Variants in NRXN3 observed in about 807,000 individuals in gnomAD.
The protein encoded by NRXN3 is neurexin III.
A neutral mutation model predicts 137.6 loss-of-function variants in NRXN3; 32 were observed. That is an observed-to-expected ratio of 0.23 (90% CI 0.18 to 0.31). The LOEUF is 0.31. NRXN3 is among the 10% of genes least tolerant of loss of function. NRXN3 has a pLI of 1.00. For missense variants in NRXN3, 1,574 were observed against 2,062.5 expected (o/e 0.76, Z 4.59); for synonymous variants, 798 against 784.5 (o/e 1.02, Z -0.29).
chr14:79,829,895 A>G (rs1445215945), intron 20 of NRXN3, among the ~76,000 whole-genome samples: 1 of 152,174 alleles, frequency 6.6e-6, no homozygotes, highest in Non-Finnish European at 1.5e-5. Flanking sequence ...GCTTCACTCA[A>G]CACACTCTGA....
chr14:79,786,236 A>G (rs1265772500), intron 19 of NRXN3, among the ~76,000 whole-genome samples: 2 of 152,188 alleles, frequency 1.3e-5, no homozygotes, highest in African/African-American at 4.8e-5. Context: ...CAGGGAAGAA[A>G]CCAGGGATCT....
intron 4 of NRXN3, among the ~76,000 whole-genome samples, chr14:78,352,116 G>A (rs1332753495): frequency 6.6e-6 from 1 of 151,028 alleles, no homozygotes; most frequent in Non-Finnish European, 1.5e-5. Context: ...AAAGATAGCA[G>A]GCATTGCCTT....
intron 4 of NRXN3, among the ~76,000 whole-genome samples, chr14:78,515,317 A>G (rs1383459787): frequency 6.6e-6 from 1 of 152,112 alleles, no homozygotes; most frequent in Non-Finnish European, 1.5e-5. Flanking sequence ...TATGCTCTTT[A>G]CATAGTCTCC....
intron 15 of NRXN3, among the ~76,000 whole-genome samples, chr14:79,233,518 T>C (rs115473496): frequency 0.019 from 2,965 of 152,266 alleles, 103 homozygotes; most frequent in African/African-American, 0.068. Context: ...TAATCCGTGA[T>C]TTGGTTCTAA....
chr14:78,366,464 CATAAA>C (rs1234618068), intron 4 of NRXN3, among the ~76,000 whole-genome samples: 10 of 152,086 alleles, frequency 6.6e-5, no homozygotes, highest in Non-Finnish European at 1.5e-4. Flanking sequence ...TATAGAAAAA[CATAAA>C]AGAAGTAATT....
intron 10 of NRXN3, among the ~76,000 whole-genome samples, chr14:78,910,406 A>G (rs1026542980): frequency 5.9e-5 from 9 of 152,140 alleles, no homozygotes; most frequent in South Asian, 2.1e-4. Context: ...GCCCTCTGTC[A>G]TGAATATTTC....
intron 19 of NRXN3, among the ~76,000 whole-genome samples, chr14:79,752,012 AG>A (rs1467269791): frequency 2.0e-5 from 3 of 152,132 alleles, no homozygotes; most frequent in Non-Finnish European, 2.9e-5. Context: ...ATGTTCATCA[AG>A]GATATTGGTC....
At chr14:78,810,454 T>C in intron 10 of NRXN3, 110 bp downstream of exon 10, 1 of 276,524 alleles carries the variant, frequency 3.6e-6, no homozygotes, top group Non-Finnish European at 5.9e-6. Context: ...TTTTTTCTTT[T>C]AACAATGGAG....
In NRXN3 at chr14:79,867,018, C is replaced by G. The variant is rs2099418320; in HGVS notation, c.*5054C>G. 1 of 152,178 alleles carries G rather than the reference C, an allele frequency of 6.6e-6. No homozygotes were observed. The highest frequency in any genetic ancestry group is 1.5e-5 in the Non-Finnish European group (1 of 68,036). 9.4% of individuals were successfully genotyped at this position (152,178 alleles called of 1,614,324 possible). On this transcript the variant is annotated 3_prime_UTR_variant, in exon 21 of 21. Transcript: ENST00000335750. ...TGCCATTAATAATACAACTTTATAG[C>G]TTTACTATTTTTTCTTTTATTGTTG...
intron 4 of NRXN3, among the ~76,000 whole-genome samples, chr14:78,524,236 C>T (rs977968684): frequency 1.3e-5 from 2 of 152,126 alleles, no homozygotes; most frequent in African/African-American, 2.4e-5. Context: ...TTTCTACCTG[C>T]ATGTGGAGTT....
intron 16 of NRXN3, among the ~76,000 whole-genome samples, chr14:79,586,185 G>T (rs1358466583): frequency 6.6e-6 from 1 of 152,164 alleles, no homozygotes; most frequent in Non-Finnish European, 1.5e-5. Context: ...AGGGCATGTG[G>T]TATTTTATAT....
intron 1 of NRXN3, among the ~76,000 whole-genome samples, chr14:78,206,613 G>T (rs532015250): frequency 6.6e-6 from 1 of 152,296 alleles, no homozygotes; most frequent in Admixed American, 6.5e-5. Flanking sequence ...TGGCCTCCTT[G>T]GTTGGTAGGG....
At chr14:79,003,154 T>C (rs1482473282) in intron 15 of NRXN3, among the ~76,000 whole-genome samples, 1 of 152,118 alleles carries the variant, frequency 6.6e-6, no homozygotes, top group Non-Finnish European at 1.5e-5. Context: ...TATCCTGAAT[T>C]TTTAAGGCAG....
chr14:78,494,775 G>C (rs1007900502), intron 4 of NRXN3, among the ~76,000 whole-genome samples: 8 of 152,086 alleles, frequency 5.3e-5, no homozygotes, highest in Admixed American at 1.3e-4. Context: ...AAATGCATTG[G>C]TATTAAAAAT....
chr14:79,714,337 C>CA (rs2098816322), intron 19 of NRXN3, among the ~76,000 whole-genome samples: 1 of 152,152 alleles, frequency 6.6e-6, no homozygotes, highest in African/African-American at 2.4e-5. Flanking sequence ...TAGTGTGAGA[C>CA]AATCATGAAT....
chr14:79,466,376 A>G (rs1046608330), intron 15 of NRXN3, among the ~76,000 whole-genome samples: 6 of 152,140 alleles, frequency 3.9e-5, no homozygotes, highest in Non-Finnish European at 5.9e-5. Flanking sequence ...TCACAAGGTC[A>G]GGAGATTGAG....
chr14:79,308,321 G>A (rs1439113724), intron 15 of NRXN3, among the ~76,000 whole-genome samples: 4 of 151,902 alleles, frequency 2.6e-5, no homozygotes, highest in African/African-American at 9.7e-5. Flanking sequence ...ACCTCTCTTT[G>A]CCTCAAGTTC....
chr14:79,501,783 C>G (rs1478779194), intron 16 of NRXN3, among the ~76,000 whole-genome samples: 1 of 150,634 alleles, frequency 6.6e-6, no homozygotes, highest in Non-Finnish European at 1.5e-5. Flanking sequence ...GTCAGGGACT[C>G]TAAAACTGAG....
intron 19 of NRXN3, among the ~76,000 whole-genome samples, chr14:79,701,133 G>C (rs2098753146): frequency 6.6e-6 from 1 of 152,026 alleles, no homozygotes; most frequent in South Asian, 2.1e-4. Flanking sequence ...CAAATTTGTT[G>C]TATTTTTCAG....
Sources: gnomAD v4.1 joint callset for allele counts (sites outside exome capture counted in the v4.1 genomes callset) on GRCh38, gnomAD v4.1.1 for gene constraint, MANE v1.5 for transcripts, NCBI Gene and HGNC (gene_info 2026-07-23, HGNC 2026-07-21) for gene names.